The following NTNG1 variants were observed in gnomAD, a reference collection of about 807,000 sequenced individuals.
NTNG1 encodes netrin-G1.
In NTNG1, 16 loss-of-function variants were observed where a neutral mutation model predicts 54.0. The observed-to-expected ratio is 0.30, with a 90% CI of 0.20 to 0.45. The LOEUF (loss-of-function observed/expected upper bound fraction) is 0.45. NTNG1 is among the 20% of genes least tolerant of loss of function. The probability of loss-of-function intolerance (pLI) is 1.00; values close to 1 mark genes in which losing one functional copy is unlikely to be tolerated. For synonymous variants in NTNG1, 255 were observed against 263.1 expected, an observed-to-expected ratio of 0.97 and a Z score of 0.30; for missense variants, 530 against 678.7, an observed-to-expected ratio of 0.78 and a Z score of 2.43.
chr1:107,321,361 C>G (rs368179684), intron 2 of NTNG1, among the ~76,000 whole-genome samples: 1 of 152,096 alleles, frequency 6.6e-6, no homozygotes. Flanking sequence ...CAGATCTGTG[C>G]CAAGCAATGA....
At chr1:107,465,610 T>C (rs1452960477) in intron 7 of NTNG1, among the ~76,000 whole-genome samples, 1 of 152,034 alleles carries the variant, frequency 6.6e-6, no homozygotes, top group Non-Finnish European at 1.5e-5. Flanking sequence ...ATGGTGGGGG[T>C]TGTCCATGAG....
chr1:107,213,327 C>T (rs1659717258), intron 2 of NTNG1, among the ~76,000 whole-genome samples: 1 of 152,066 alleles, frequency 6.6e-6, no homozygotes, highest in African/African-American at 2.4e-5. Context: ...CACAAGAAAT[C>T]GTGTTAAAGG....
At chr1:107,361,744 A>T (rs961503632) in intron 3 of NTNG1, among the ~76,000 whole-genome samples, 3 of 152,132 alleles carry the variant, frequency 2.0e-5, no homozygotes, top group African/African-American at 7.2e-5. Flanking sequence ...TTGAAAGCTG[A>T]TGTCATTTTT....
chr1:107,367,011 A>G (rs1352446469), intron 3 of NTNG1, among the ~76,000 whole-genome samples: 2 of 152,082 alleles, frequency 1.3e-5, no homozygotes, highest in Non-Finnish European at 2.9e-5. Context: ...GCATATATTC[A>G]TTAGTCATTT....
At chr1:107,314,085 C>T (rs1195476168) in intron 2 of NTNG1, among the ~76,000 whole-genome samples, 1 of 152,090 alleles carries the variant, frequency 6.6e-6, no homozygotes, top group Non-Finnish European at 1.5e-5. Context: ...CAGGTGACCT[C>T]GAATCCTCCC....
At chr1:107,221,732 A>G (rs1370608071) in intron 2 of NTNG1, among the ~76,000 whole-genome samples, 1 of 152,188 alleles carries the variant, frequency 6.6e-6, no homozygotes, top group Middle Eastern at 3.2e-3. Flanking sequence ...GAACCAGTGC[A>G]TACTAAGGGA....
At chr1:107,397,085 A>G (rs1467589755) in intron 4 of NTNG1, among the ~76,000 whole-genome samples, 1 of 152,202 alleles carries the variant, frequency 6.6e-6, no homozygotes, top group Non-Finnish European at 1.5e-5. Context: ...TCCTTTGCAT[A>G]TTGAAGATCA....
At chr1:107,296,904 C>T (rs1193479313) in intron 2 of NTNG1, among the ~76,000 whole-genome samples, 2 of 148,966 alleles carry the variant, frequency 1.3e-5, no homozygotes, top group Non-Finnish European at 3.0e-5. Flanking sequence ...ACATGTCTTA[C>T]TTATTTCAGT....
intron 5 of NTNG1, among the ~76,000 whole-genome samples, chr1:107,419,664 T>C (rs184664958): frequency 6.7e-6 from 1 of 149,960 alleles, no homozygotes; most frequent in African/African-American, 2.4e-5. Flanking sequence ...CCACCTTCCT[T>C]AGCTATATAC....
chr1:107,454,183 A>G (rs1316105056), intron 7 of NTNG1, among the ~76,000 whole-genome samples: 1 of 152,194 alleles, frequency 6.6e-6, no homozygotes, highest in Non-Finnish European at 1.5e-5. Context: ...CAACAGAGAA[A>G]GAGACTTTAG....
At chr1:107,314,442 AAT>A (rs1198270786) in intron 2 of NTNG1, among the ~76,000 whole-genome samples, 4 of 149,584 alleles carry the variant, frequency 2.7e-5, no homozygotes, top group African/African-American at 1.0e-4. Flanking sequence ...TAAATAAATA[AAT>A]AAAAATGAGA....
At chr1:107,295,214 A>T (rs1380312574) in intron 2 of NTNG1, among the ~76,000 whole-genome samples, 1 of 152,154 alleles carries the variant, frequency 6.6e-6, no homozygotes, top group Non-Finnish European at 1.5e-5. Context: ...ATATTCCTGT[A>T]GGTCTCACCC....
chr1:107,466,615 T>C (rs1677625615), intron 7 of NTNG1, among the ~76,000 whole-genome samples: 1 of 152,220 alleles, frequency 6.6e-6, no homozygotes, highest in South Asian at 2.1e-4. Context: ...TCCACCCAAG[T>C]CTTTTTCATC....
At chr1:107,395,406 T>C (rs1217916754) in intron 4 of NTNG1, 80 bp downstream of exon 4, 2 of 1,278,272 alleles carry the variant, frequency 1.6e-6, no homozygotes, top group African/African-American at 2.9e-5. Context: ...ACAATTGTGA[T>C]TTTATTCCTC....
At chr1:107,448,435 A>G (rs979647918) in intron 7 of NTNG1, among the ~76,000 whole-genome samples, 1 of 152,084 alleles carries the variant, frequency 6.6e-6, no homozygotes, top group Non-Finnish European at 1.5e-5. Flanking sequence ...GATCCTTGCA[A>G]CTTAAAAGTG....
chr1:107,324,203 C>A, intron 2 of NTNG1, 79 bp from the exon 3 acceptor site: 1 of 1,347,554 alleles, frequency 7.4e-7, no homozygotes, highest in East Asian at 2.3e-5. Flanking sequence ...TTTCTAGCCT[C>A]TTACTGAGCA....
intron 3 of NTNG1, among the ~76,000 whole-genome samples, 197 bp downstream of exon 3, chr1:107,325,119 C>T (rs1164765872): frequency 6.6e-6 from 1 of 152,076 alleles, no homozygotes; most frequent in East Asian, 1.9e-4. Context: ...AACTTGCTGT[C>T]CCTGAACCTG....
In NTNG1 at chr1:107,483,985, C is replaced by T. The variant is rs1419449850; in HGVS notation, c.*3145C>T. Reference sequence around the variant, plus strand: ...CTTAGAGAGACCCATTCTGACTCTCCTCCAGCTTTCTCCCAGATATCAGGA... The same window carrying T: ...CTTAGAGAGACCCATTCTGACTCTCTTCCAGCTTTCTCCCAGATATCAGGA... On this transcript the variant is annotated 3_prime_UTR_variant, in exon 8 of 8. Transcript: ENST00000370068. Among the ~76,000 whole-genome samples the T allele has an allele frequency of 6.6e-6, 1 of 152,168 alleles. No homozygotes were observed. The highest frequency in any genetic ancestry group is 1.5e-5 in the Non-Finnish European group (1 of 68,026).
chr1:107,403,919 C>A (rs1406720541), intron 4 of NTNG1, among the ~76,000 whole-genome samples: 1 of 151,830 alleles, frequency 6.6e-6, no homozygotes, highest in Non-Finnish European at 1.5e-5. Flanking sequence ...TTTGTTATCA[C>A]TCTTTCTGAA....
Sources: gnomAD v4.1 joint callset for allele counts (sites outside exome capture counted in the v4.1 genomes callset) on GRCh38, gnomAD v4.1.1 for gene constraint, MANE v1.5 for transcripts, NCBI Gene and HGNC (gene_info 2026-07-23, HGNC 2026-07-21) for gene names.